GLI4: variants seen among roughly 807,000 people sequenced by gnomAD.
GLI4 encodes zinc finger protein GLI4.
A neutral mutation model predicts 30.9 loss-of-function variants in GLI4; 34 were observed. The ratio of observed to expected loss-of-function variants is 1.10; its 90% confidence interval spans 0.84 to 1.47. GLI4 has a LOEUF of 1.47. Among genes scored for constraint, GLI4 ranks in the 40% most tolerant of loss-of-function variants. GLI4 has a pLI of 0.00. For missense variants in GLI4, 696 were observed against 538.9 expected (o/e 1.29, Z -2.89); for synonymous variants, 277 against 236.7 (o/e 1.17, Z -1.56).
At chr8:143,273,598 C>G (rs1465643090) in intron 2 of GLI4, among the ~76,000 whole-genome samples, 1 of 152,144 alleles carries the variant, frequency 6.6e-6, no homozygotes, top group Non-Finnish European at 1.5e-5. Context: ...CTGCCTGAGG[C>G]TGGAAAGCCC....
chr8:143,268,946 C>T (rs1429078436), intron 1 of GLI4, among the ~76,000 whole-genome samples: 1 of 152,094 alleles, frequency 6.6e-6, no homozygotes, highest in Non-Finnish European at 1.5e-5. Context: ...TGATTTCAAG[C>T]TGTTCTCCTG....
chr8:143,268,713 A>G (rs536624708), intron 1 of GLI4, among the ~76,000 whole-genome samples: 1 of 152,352 alleles, frequency 6.6e-6, no homozygotes, highest in East Asian at 1.9e-4. Flanking sequence ...GGGTGATGCC[A>G]CGGGCTGGAA....
chr8:143,276,104 G>A lies in GLI4; in HGVS notation c.431G>A (p.Arg144His). ...TGCGCCCAGCCGCGGGGCGCCTGGC[G>A]CGTGACGCTCGTGCAGCAAGCAGCG... ...VPCAQPRGAW[R>H]VTLVQQAAAG... The change falls in exon 4 of 4, where the codon CGC becomes CAC. Residue 144 changes from arginine (R) to histidine (H), a missense_variant. Transcript: ENST00000340042. 1 of 1,439,148 alleles carries A rather than the reference G, an allele frequency of 6.9e-7. No homozygotes were observed. Among genetic ancestry groups the A allele is most frequent in the Non-Finnish European group, 9.0e-7 (1 of 1,106,576 alleles). The allele number at this position is 1,439,148 out of a possible 1,614,324, so 89.1% of individuals were successfully genotyped here. A position where few individuals can be genotyped will look rare whatever the true frequency, so the allele number is the denominator to read the frequency against.
At position 143,275,931 on chromosome 8, in the gene GLI4, T is replaced by C. The variant is rs1815374597; in HGVS notation, c.258T>C (p.Ser86=). Residue 86 remains serine (S), a synonymous_variant, in exon 4 of 4, where the codon TCT becomes TCC. Coordinates refer to ENST00000340042, the MANE Select transcript of GLI4 (RefSeq NM_138465.4). Reference sequence around the variant, plus strand: ...CCAAGCCGGAGCAGGCTCCACGCTCTCCTGGCTCTCAGGCCCCTGACGAGG... The same window carrying C: ...CCAAGCCGGAGCAGGCTCCACGCTCCCCTGGCTCTCAGGCCCCTGACGAGG... ...SEPKPEQAPR[S]PGSQAPDEGA... is the part of the protein sequence containing the mutation. The C allele has an allele frequency of 6.0e-6, 8 of 1,326,188 alleles. No individual in the cohort carries two copies. The highest frequency in any genetic ancestry group is 7.7e-6 in the Non-Finnish European group (8 of 1,037,708). 82.2% of individuals were successfully genotyped at this position (1,326,188 alleles called of 1,614,324 possible).
chr8:143,267,605 C>T lies in GLI4; in HGVS notation c.-38+121C>T, dbSNP rs1342715517. 15 of 985,424 alleles carry T rather than the reference C, an allele frequency of 1.5e-5. No individual in the cohort carries two copies. In the East Asian group the frequency reaches 1.3e-3, roughly 82 times the overall value. 61.0% of individuals were successfully genotyped at this position (985,424 alleles called of 1,614,324 possible). On this transcript the variant is annotated intron_variant, in intron 1 of 3. Transcript: ENST00000340042. ...CGGGCCGTGCGGCCCTTGCAGCCGC[C>T]GCTCGCCGTGACCTTGGCCTTGGGC...
chr8:143,269,356 C>G lies in GLI4; in HGVS notation c.-37-4C>G. 1 of 1,596,906 alleles carries G rather than the reference C, an allele frequency of 6.3e-7. No individual in the cohort carries two copies. The highest frequency in any genetic ancestry group is 8.6e-7 in the Non-Finnish European group (1 of 1,169,382). On this transcript the variant is annotated splice_region_variant and splice_polypyrimidine_tract_variant and intron_variant, in intron 1 of 3. Transcript: ENST00000340042. ...TCATCTGCCATGGTTTTCATTTTCC[C>G]CAGGTCCCAGGTGTGACACCTTCAG...
rs1172313930 is a variant in GLI4 at position 143,275,970 on chromosome 8, GCTGCGCAGCCTC to G, written c.301_312del (p.Leu104_Leu107del). The stretch of plus-strand genomic sequence containing the variant: ...CCCCTGACGAGGGGGCGGGCGGGGC[GCTGCGCAGCCTC>G]CTGAGGAGCCTTCCCCGCAGGGCCC... On this transcript the variant is annotated inframe_deletion, in exon 4 of 4. Coordinates refer to ENST00000340042, the MANE Select transcript of GLI4 (RefSeq NM_138465.4). 1 of 1,342,008 alleles carries G rather than the reference GCTGCGCAGCCTC, an allele frequency of 7.5e-7. No homozygotes were observed. The highest frequency in any genetic ancestry group is 1.5e-5 in the African/African-American group (1 of 65,414). The allele number at this position is 1,342,008 out of a possible 1,614,324, so 83.1% of individuals were successfully genotyped here. A position where few individuals can be genotyped will look rare whatever the true frequency, so the allele number is the denominator to read the frequency against.
Position 143,269,466 on chromosome 8 carries a change from A to T in GLI4, c.70A>T (p.Thr24Ser). Residue 24 changes from threonine to serine, a missense_variant, in exon 2 of 4, where the codon ACA becomes TCA. Thr to Ser is a moderately conservative substitution (Grantham distance 58). Transcript: ENST00000340042. ...PSPVSLSSPGTPGTQHHEPQL... is the reference protein window; with the variant it reads ...PSPVSLSSPGSPGTQHHEPQL... ...CCCTGTCAGTCTCTCATCACCGGGG[A>T]CACCTGGAACCCAGCACCACGAGCC... 6.2e-7 allele frequency: 1 copy of T among 1,612,174 alleles called. No homozygotes were observed. Among genetic ancestry groups the T allele is most frequent in the East Asian group, 2.2e-5 (1 of 44,858 alleles).
In GLI4 at chr8:143,276,653, A is replaced by T. The variant is rs761860283; in HGVS notation, c.980A>T (p.Asp327Val). 6.2e-7 allele frequency: 1 copy of T among 1,612,038 alleles called. No homozygotes were observed. The highest frequency in any genetic ancestry group is 8.5e-7 in the Non-Finnish European group (1 of 1,179,600). The part of the protein sequence containing the change: ...HTGEKPYECS[D>V]CGKAFRGRSH... Reference sequence around the variant, plus strand: ...GGCGAGAAGCCCTACGAGTGCTCCGACTGCGGCAAAGCCTTCCGCGGCCGC... The same window carrying T: ...GGCGAGAAGCCCTACGAGTGCTCCGTCTGCGGCAAAGCCTTCCGCGGCCGC... The change falls in exon 4 of 4, where the codon GAC (aspartate) becomes GTC (valine). Residue 327 changes from aspartate to valine, a missense_variant. Physicochemically the swap from Asp to Val is radical, Grantham distance 152. Transcript: ENST00000340042.
chr8:143,270,246 G>T (rs1815235954), intron 2 of GLI4, among the ~76,000 whole-genome samples: 1 of 152,264 alleles, frequency 6.6e-6, no homozygotes. Context: ...CCCTCTTGGG[G>T]AGTCAGAGTC....
rs1461930647 is a variant in GLI4, at chr8:143,276,183, T to C, written c.510T>C (p.Gly170=). 1.9e-6 allele frequency: 3 copies of C among 1,558,834 alleles called. No homozygotes were observed. The stretch of plus-strand genomic sequence containing the variant: ...CTGCCGAGCTGGGAGTCAACTTCGG[T>C]CGGAGCCGGCAGGGCAGCGCGCGGG... The part of the protein sequence containing the change: ...ERAAELGVNF[G]RSRQGSARGA... Residue 170 remains glycine, a synonymous_variant, in exon 4 of 4, where the codon GGT becomes GGC. Coordinates refer to ENST00000340042, the MANE Select transcript of GLI4 (RefSeq NM_138465.4).
chr8:143,275,865 G>A lies in GLI4; in HGVS notation c.224-32G>A, dbSNP rs766370889. The A allele has an allele frequency of 3.2e-5, 40 of 1,263,598 alleles. No homozygotes were observed. The African/African-American group carries it at 5.4e-4, about 17-fold the overall frequency. 78.3% of individuals were successfully genotyped at this position (1,263,598 alleles called of 1,614,324 possible). A position where few individuals can be genotyped will look rare whatever the true frequency, so the allele number is the denominator to read the frequency against. On this transcript the variant is annotated intron_variant, in intron 3 of 3. Transcript: ENST00000340042. ...TCCGTGCCACGGTGGGGGCATGCGG[G>A]TACTATCCGCCTCTGCCGTTTCTCA...
Position 143,275,737 on chromosome 8 carries a change from C to T in GLI4, c.224-160C>T, listed in dbSNP as rs562009684. Reference sequence around the variant, plus strand: ...GTCAGCTCTCCTGGGCACGGCACTCCGAGCCCCTGTCCGCTTGTCTCCCAT... The same window carrying T: ...GTCAGCTCTCCTGGGCACGGCACTCTGAGCCCCTGTCCGCTTGTCTCCCAT... On this transcript the variant is annotated intron_variant, in intron 3 of 3. Coordinates refer to ENST00000340042, the MANE Select transcript of GLI4 (RefSeq NM_138465.4). 25 of 1,240,044 alleles carry T rather than the reference C, an allele frequency of 2.0e-5. No homozygotes were observed. In the South Asian group the frequency reaches 7.9e-4, roughly 39 times the overall value. 76.8% of individuals were successfully genotyped at this position (1,240,044 alleles called of 1,614,324 possible).
At chr8:143,275,792 C>T in intron 3 of GLI4, 105 bp from the exon 4 acceptor site, 2 of 1,244,990 alleles carry the variant, frequency 1.6e-6, no homozygotes, top group South Asian at 3.7e-5. Flanking sequence ...TCCTTGTCCC[C>T]TCTAAGCCCC....
At chr8:143,274,868 C>T (rs1815350333) in intron 3 of GLI4, 66 bp downstream of exon 3, 1 of 1,511,710 alleles carries the variant, frequency 6.6e-7, no homozygotes, top group Non-Finnish European at 8.9e-7. Context: ...CTCACAATGC[C>T]CACCTCTGTG....
intron 1 of GLI4, chr8:143,268,153 G>T: frequency 4.4e-6 from 4 of 910,048 alleles, no homozygotes; most frequent in Non-Finnish European, 3.9e-6. Context: ...CCTGCACCCA[G>T]TGGCCACCTA....
At chr8:143,268,838 T>TTGCTGCTGC (rs201537418) in intron 1 of GLI4, among the ~76,000 whole-genome samples, 3 of 148,022 alleles carry the variant, frequency 2.0e-5, no homozygotes, top group Admixed American at 6.7e-5. Context: ...CGTTACTCCT[T>TTGCTGCTGC]TGCTGCTGCT....
chr8:143,272,048 CT>C (rs1388191071), intron 2 of GLI4, among the ~76,000 whole-genome samples: 3 of 152,320 alleles, frequency 2.0e-5, no homozygotes, highest in Admixed American at 2.0e-4. Context: ...AGAGCCAGCA[CT>C]GCCTGGGCCG....
In GLI4 at chr8:143,269,603, C is replaced by T. The variant is rs1462784312; in HGVS notation, c.124+83C>T. 36 of 1,194,172 alleles carry T rather than the reference C, an allele frequency of 3.0e-5. No homozygotes were observed. The Admixed American group carries it at 4.5e-4, about 15-fold the overall frequency. The allele number at this position is 1,194,172 out of a possible 1,614,324, so 74.0% of individuals were successfully genotyped here. On this transcript the variant is annotated intron_variant, in intron 2 of 3. Coordinates refer to ENST00000340042, the MANE Select transcript of GLI4 (RefSeq NM_138465.4). ...TGCCCTGTCTCCTCCTGACCTGCCA[C>T]GCTGGCTGACTTGAGAGGCGCCTCC...
Sources: allele counts gnomAD v4.1 joint callset (sites outside exome capture counted in the v4.1 genomes callset), GRCh38; gene constraint gnomAD v4.1.1; transcripts MANE v1.5; gene names NCBI Gene and HGNC (gene_info 2026-07-23, HGNC 2026-07-21).